The following SLC2A12 variants were observed in gnomAD, a reference collection of about 807,000 sequenced individuals.
SLC2A12 encodes the protein solute carrier family 2, facilitated glucose transporter member 12.
SLC2A12 carries 23 observed loss-of-function variants against 41.8 expected under a neutral mutation model. The ratio of observed to expected loss-of-function variants is 0.55; its 90% CI spans 0.40 to 0.78. SLC2A12 has a LOEUF of 0.78. Ranked by LOEUF, SLC2A12 falls within the 30% of genes least tolerant of loss-of-function variation. The pLI is 0.00. For missense variants in SLC2A12, 654 were observed against 745.6 expected, an observed-to-expected ratio of 0.88 and a Z score of 1.43; for synonymous variants, 295 against 285.9, an observed-to-expected ratio of 1.03 and a Z score of -0.32.
At chr6:133,991,516 C>G (rs372492053) in intron 4 of SLC2A12, among the ~76,000 whole-genome samples, 13 of 152,180 alleles carry the variant, frequency 8.5e-5, no homozygotes, top group African/African-American at 2.4e-4. Flanking sequence ...ACGGTGTCTT[C>G]TCAGAATACA....
chr6:134,036,373 A>G (rs1181526103), intron 1 of SLC2A12, among the ~76,000 whole-genome samples: 4 of 152,034 alleles, frequency 2.6e-5, no homozygotes, highest in African/African-American at 7.3e-5. Context: ...TCATCTTTCA[A>G]TAGTCATCTC....
intron 1 of SLC2A12, among the ~76,000 whole-genome samples, chr6:134,034,462 C>T (rs145598550): frequency 2.0e-5 from 3 of 152,282 alleles, no homozygotes; most frequent in East Asian, 1.9e-4. Context: ...TAGTCCTTAG[C>T]GCTTCTGAGA....
intron 4 of SLC2A12, among the ~76,000 whole-genome samples, chr6:133,998,850 T>C (rs1310639724): frequency 2.6e-5 from 4 of 152,186 alleles, no homozygotes; most frequent in Non-Finnish European, 5.9e-5. Flanking sequence ...CACAAAATGT[T>C]TAAAGGAATT....
intron 1 of SLC2A12, 81 bp downstream of exon 1, chr6:134,052,297 G>T: frequency 4.9e-5 from 22 of 445,748 alleles, no homozygotes; most frequent in Non-Finnish European, 6.8e-5. Context: ...ACACACACAC[G>T]GGACTCAAGA....
intron 1 of SLC2A12, among the ~76,000 whole-genome samples, chr6:134,051,446 T>C (rs904450699): frequency 6.6e-6 from 1 of 152,228 alleles, no homozygotes; most frequent in Non-Finnish European, 1.5e-5. Flanking sequence ...GGATTTTGCA[T>C]GAAATTTCTA....
At chr6:134,004,967 A>G (rs527358323) in intron 3 of SLC2A12, among the ~76,000 whole-genome samples, 5 of 152,370 alleles carry the variant, frequency 3.3e-5, no homozygotes, top group East Asian at 3.9e-4. Context: ...GAGTTCACCA[A>G]AAAATGACAT....
chr6:134,048,371 C>T (rs1167220321), intron 1 of SLC2A12, among the ~76,000 whole-genome samples: 16 of 152,052 alleles, frequency 1.1e-4, no homozygotes, highest in African/African-American at 3.6e-4. Context: ...CCAAGGTAGG[C>T]GGATCACCTG....
chr6:134,016,636 C>T (rs1272167791), intron 2 of SLC2A12, among the ~76,000 whole-genome samples: 1 of 152,078 alleles, frequency 6.6e-6, no homozygotes, highest in Admixed American at 6.5e-5. Flanking sequence ...CCCTTTGTCT[C>T]TGACCAAGGA....
At position 134,052,526 on chromosome 6, in the gene SLC2A12, G is replaced by A. The variant is rs778068966; in HGVS notation, c.-46C>T. On this transcript the variant is annotated 5_prime_UTR_variant, in exon 1 of 5. Transcript: ENST00000275230. ...CGCTTCCCCGCCACCAAACCGCCCC[G>A]ACCACCCCCGCTCCCAGGAGTGGTC... 6 of 1,477,272 alleles carry A rather than the reference G, an allele frequency of 4.1e-6. No individual in the cohort carries two copies. The highest frequency in any genetic ancestry group is 1.4e-5 in the African/African-American group (1 of 72,356). 91.5% of individuals were successfully genotyped at this position (1,477,272 alleles called of 1,614,324 possible).
intron 1 of SLC2A12, among the ~76,000 whole-genome samples, chr6:134,040,021 TA>T (rs1225391955): frequency 1.3e-5 from 2 of 151,810 alleles, no homozygotes; most frequent in Non-Finnish European, 2.9e-5. Context: ...GCCTCTTTTT[TA>T]AAAATAAATT....
chr6:133,992,670 G>A (rs1389322463), intron 4 of SLC2A12, among the ~76,000 whole-genome samples: 1 of 152,124 alleles, frequency 6.6e-6, no homozygotes, highest in Non-Finnish European at 1.5e-5. Flanking sequence ...AGGGAGAAGG[G>A]GAAATGCGAA....
At position 134,001,982 on chromosome 6, in the gene SLC2A12, G is replaced by A. The variant is rs760553021; in HGVS notation, c.1700+15C>T. 6 of 1,606,006 alleles carry A rather than the reference G, an allele frequency of 3.7e-6. No individual in the cohort carries two copies. Among genetic ancestry groups the A allele is most frequent in the Non-Finnish European group, 5.1e-6 (6 of 1,177,860 alleles). On this transcript the variant is annotated intron_variant, in intron 4 of 4. Transcript: ENST00000275230. ...CAAAGAGTATTGTTCAGAAACCAAT[G>A]CATGTAATACTTACACTTTTGCTAG...
intron 2 of SLC2A12, among the ~76,000 whole-genome samples, chr6:134,008,557 G>A (rs750313617): frequency 1.3e-5 from 2 of 152,102 alleles, no homozygotes; most frequent in Non-Finnish European, 2.9e-5. Context: ...CTAGATTCTT[G>A]CAGATTATAT....
intron 2 of SLC2A12, among the ~76,000 whole-genome samples, chr6:134,015,194 T>G (rs186050968): frequency 9.9e-5 from 15 of 152,202 alleles, no homozygotes; most frequent in Non-Finnish European, 2.1e-4. Flanking sequence ...CAACATAAAC[T>G]CACATGACTA....
At chr6:133,996,420 A>G (rs978483779) in intron 4 of SLC2A12, among the ~76,000 whole-genome samples, 1 of 152,244 alleles carries the variant, frequency 6.6e-6, no homozygotes, top group South Asian at 2.1e-4. Flanking sequence ...ACATTATTGC[A>G]GAAATCTTTT....
At position 134,029,567 on chromosome 6, in the gene SLC2A12, G is replaced by C. The variant is rs776547823; in HGVS notation, c.258C>G (p.Leu86=). Residue 86 remains leucine, a synonymous_variant, in exon 2 of 5, where the codon CTC becomes CTG. Coordinates refer to ENST00000275230, the MANE Select transcript of SLC2A12 (RefSeq NM_145176.3). The part of the protein sequence containing the change: ...CHEQEMVVSS[L]VIGALLASLT... ...GTGAGGCAAGGAGGGCTCCAATGAC[G>C]AGGGAGCTCACAACCATTTCCTGCT... 3 of 1,614,118 alleles carry C rather than the reference G, an allele frequency of 1.9e-6. No individual in the cohort carries two copies. In the Admixed American group the frequency reaches 5.0e-5, roughly 27 times the overall value.
intron 2 of SLC2A12, chr6:134,009,227 C>T (rs1283045372): frequency 1.3e-5 from 2 of 152,222 alleles, no homozygotes; most frequent in African/African-American, 4.8e-5. Context: ...CCTAGATATT[C>T]ATTCAATATA....
chr6:134,028,283 A>C, intron 2 of SLC2A12, 98 bp downstream of exon 2: 1 of 1,445,196 alleles, frequency 6.9e-7, no homozygotes, highest in Non-Finnish European at 9.3e-7. Flanking sequence ...GACCAATGTT[A>C]TCCTTGTCTT....
intron 4 of SLC2A12, among the ~76,000 whole-genome samples, chr6:133,994,640 A>G (rs956473127): frequency 1.3e-5 from 2 of 152,190 alleles, no homozygotes; most frequent in Non-Finnish European, 2.9e-5. Context: ...AGGCAGGAGA[A>G]TGGCGTGAAC....
Sources: allele counts gnomAD v4.1 joint callset (sites outside exome capture counted in the v4.1 genomes callset), GRCh38; gene constraint gnomAD v4.1.1; transcripts MANE v1.5; gene names NCBI Gene and HGNC (gene_info 2026-07-23, HGNC 2026-07-21).